Variants in RAI1 observed in about 807,000 individuals in gnomAD.
RAI1 encodes the protein retinoic acid-induced protein 1.
A neutral mutation model predicts 123.8 loss-of-function variants in RAI1; 9 were observed. The observed-to-expected ratio is 0.07, with a 90% CI of 0.04 to 0.13. RAI1 has a LOEUF of 0.13. RAI1 is among the 10% of genes least tolerant of loss of function. RAI1 has a pLI of 1.00. For synonymous variants in RAI1, 1,231 were observed against 1,127.3 expected (o/e 1.09, Z -1.84); for missense variants, 2,256 against 2,545.8 (o/e 0.89, Z 2.45).
At chr17:17,719,304 C>A (rs754571678) in intron 1 of RAI1, among the ~76,000 whole-genome samples, 34 of 152,198 alleles carry the variant, frequency 2.2e-4, no homozygotes, top group Non-Finnish European at 4.6e-4. Context: ...GGCCCCCCGT[C>A]CTCTCTGCCC....
At chr17:17,702,689 G>A (rs1175531526) in intron 1 of RAI1, among the ~76,000 whole-genome samples, 1 of 152,216 alleles carries the variant, frequency 6.6e-6, no homozygotes, top group African/African-American at 2.4e-5. Flanking sequence ...TCAAGGCAAG[G>A]AATGAGGCTC....
intron 1 of RAI1, among the ~76,000 whole-genome samples, chr17:17,699,708 C>T (rs1425291104): frequency 6.6e-6 from 1 of 151,924 alleles, no homozygotes; most frequent in East Asian, 1.9e-4. Context: ...TACATTTCTT[C>T]TGGATTATTC....
At chr17:17,682,728 C>G (rs1266727664) in intron 1 of RAI1, among the ~76,000 whole-genome samples, 4 of 152,186 alleles carry the variant, frequency 2.6e-5, no homozygotes, top group African/African-American at 9.6e-5. Flanking sequence ...CCCCAGCTTC[C>G]TGGGGCGCCC....
intron 1 of RAI1, among the ~76,000 whole-genome samples, chr17:17,710,385 G>A (rs1033709555): frequency 6.6e-6 from 1 of 152,140 alleles, no homozygotes; most frequent in Non-Finnish European, 1.5e-5. Context: ...GTGGATATAC[G>A]GCCACAGTTG....
At position 17,774,772 on chromosome 17, in the gene RAI1, C is replaced by G. The variant is rs2031278854; in HGVS notation, c.-16-18161C>G. Reference sequence around the variant, plus strand: ...ACAGCTAACTTAGTTGCGCCCTCCTCTGCCCAGCATTGGTCTGGCAGCTGC... The same window carrying G: ...ACAGCTAACTTAGTTGCGCCCTCCTGTGCCCAGCATTGGTCTGGCAGCTGC... On this transcript the variant is annotated intron_variant, in intron 2 of 5. Transcript: ENST00000353383. Among the ~76,000 whole-genome samples, 4 of 152,278 alleles carry G rather than the reference C, an allele frequency of 2.6e-5. No individual in the cohort carries two copies. In the South Asian group the frequency reaches 6.2e-4, roughly 24 times the overall value.
intron 2 of RAI1, among the ~76,000 whole-genome samples, chr17:17,779,949 G>C (rs981690681): frequency 4.0e-5 from 6 of 151,354 alleles, no homozygotes; most frequent in Admixed American, 3.9e-4. Flanking sequence ...CTAATTTTTT[G>C]TATTTTTAGT....
At chr17:17,804,847 T>A (rs1233519680) in intron 4 of RAI1, among the ~76,000 whole-genome samples, 6 of 150,506 alleles carry the variant, frequency 4.0e-5, no homozygotes, top group Admixed American at 4.0e-4. Context: ...TATTTTTATT[T>A]ATTTATTTAT....
chr17:17,807,752 G>A (rs984283389), intron 4 of RAI1, among the ~76,000 whole-genome samples: 5 of 152,348 alleles, frequency 3.3e-5, no homozygotes, highest in Non-Finnish European at 7.4e-5. Flanking sequence ...CTACCCAGGC[G>A]TGCCAGGGGC....
intron 1 of RAI1, among the ~76,000 whole-genome samples, chr17:17,723,053 C>T (rs1053022273): frequency 5.9e-5 from 9 of 152,190 alleles, no homozygotes; most frequent in Non-Finnish European, 1.3e-4. Flanking sequence ...ACCCAAAGCC[C>T]CGTACAGGCG....
chr17:17,804,560 A>G (rs1347191547), intron 4 of RAI1, among the ~76,000 whole-genome samples: 2 of 150,338 alleles, frequency 1.3e-5, no homozygotes, highest in Non-Finnish European at 2.9e-5. Context: ...AGAGAAAGCA[A>G]TTGCTTATGG....
At chr17:17,749,972 G>A (rs1156339292) in intron 2 of RAI1, among the ~76,000 whole-genome samples, 1 of 152,242 alleles carries the variant, frequency 6.6e-6, no homozygotes. Flanking sequence ...CTAGATGGAG[G>A]TTTGTATTTC....
In RAI1 at chr17:17,800,180, G is replaced by GTCTCTCTCTGTCTCTCTCTCTC. The variant is rs1555566532; in HGVS notation, c.5565+1676_5565+1677insGTCTCTCTCTCTCTCTCTCTCT. On this transcript the variant is annotated intron_variant, in intron 3 of 5. Transcript: ENST00000353383. This position sits in a 1 kb window ranked among gnomAD's most constrained non-coding sequence, Gnocchi z 4.7. ...TCTCTCCTGCTTTCTGTCTCTCTCT[G>GTCTCTCTCTGTCTCTCTCTCTC]TCTCTCTCTCTCTCTCTCTCTCTCT... Among the ~76,000 whole-genome samples the GTCTCTCTCTGTCTCTCTCTCTC allele has an allele frequency of 5.3e-4, 62 of 116,344 alleles. 1 individual carries two copies. The highest frequency in any genetic ancestry group is 8.4e-4 in the Non-Finnish European group (43 of 51,116). 76.3% of individuals were successfully genotyped at this position (116,344 alleles called of 152,430 possible). A position where few individuals can be genotyped will look rare whatever the true frequency, so the allele number is the denominator to read the frequency against.
intron 2 of RAI1, among the ~76,000 whole-genome samples, chr17:17,737,555 G>A (rs1409752094): frequency 2.0e-5 from 3 of 152,292 alleles, no homozygotes; most frequent in East Asian, 3.9e-4. Flanking sequence ...GATAGGCAGT[G>A]ACTGAATGGT....
intron 2 of RAI1, among the ~76,000 whole-genome samples, chr17:17,770,236 G>A (rs917158001): frequency 1.3e-5 from 2 of 152,036 alleles, no homozygotes; most frequent in African/African-American, 4.8e-5. Flanking sequence ...CCCAAAGGGC[G>A]GTGGGGTGGC....
intron 2 of RAI1, chr17:17,778,531 G>A: frequency 5.6e-6 from 2 of 355,566 alleles, no homozygotes; most frequent in South Asian, 2.1e-5. Flanking sequence ...ATATGCAGGA[G>A]CTGGGATATG....
chr17:17,757,655 A>G (rs1315748288), intron 2 of RAI1, among the ~76,000 whole-genome samples: 2 of 152,136 alleles, frequency 1.3e-5, no homozygotes, highest in Non-Finnish European at 2.9e-5. Context: ...GCAGCTAAGC[A>G]GAAGGGAAGT....
intron 2 of RAI1, among the ~76,000 whole-genome samples, chr17:17,735,673 C>G (rs962014085): frequency 6.6e-6 from 1 of 152,190 alleles, no homozygotes; most frequent in African/African-American, 2.4e-5. Context: ...TGCACTTCCT[C>G]TCATTCAGAA....
In RAI1 at chr17:17,801,125, G is replaced by A. The variant is rs569340251; in HGVS notation, c.5565+2612G>A. Among the ~76,000 whole-genome samples, 1 of 152,074 alleles carries A rather than the reference G, an allele frequency of 6.6e-6. No individual in the cohort carries two copies. Among genetic ancestry groups the A allele is most frequent in the Non-Finnish European group, 1.5e-5 (1 of 68,010 alleles). On this transcript the variant is annotated intron_variant, in intron 3 of 5. Transcript: ENST00000353383. The surrounding 1 kb of genome is among the most constrained non-coding windows in gnomAD (Gnocchi z 4.1). ...GCTCTCAGGGATACCTTTTTTCCTCGATGGCCTTTTCTGGGAACTGCCCTC... is the reference window on the plus strand; with the variant it reads ...GCTCTCAGGGATACCTTTTTTCCTCAATGGCCTTTTCTGGGAACTGCCCTC...
chr17:17,763,965 G>C (rs1325399514), intron 2 of RAI1, among the ~76,000 whole-genome samples: 1 of 152,254 alleles, frequency 6.6e-6, no homozygotes, highest in African/African-American at 2.4e-5. Context: ...GAGGGAGAGA[G>C]ACAGGTGTAC....
Sources: allele counts gnomAD v4.1 joint callset (sites outside exome capture counted in the v4.1 genomes callset), GRCh38; gene constraint gnomAD v4.1.1; non-coding constraint Gnocchi (gnomAD v3.1); transcripts MANE v1.5; gene names NCBI Gene and HGNC (gene_info 2026-07-23, HGNC 2026-07-21).